The following MED1 variants were observed in gnomAD, a reference collection of about 807,000 sequenced individuals.
MED1 encodes the protein mediator of RNA polymerase II transcription subunit 1.
A neutral mutation model predicts 121.3 loss-of-function variants in MED1; 17 were observed. That is an observed-to-expected ratio of 0.14 (90% CI 0.10 to 0.21). The LOEUF (loss-of-function observed/expected upper bound fraction) is 0.21. Ranked by LOEUF, MED1 falls within the 10% of genes least tolerant of loss-of-function variation. The probability of loss-of-function intolerance (pLI) is 1.00; values close to 1 mark genes in which losing one functional copy is unlikely to be tolerated. For synonymous variants in MED1, 661 were observed against 694.4 expected (o/e 0.95, Z 0.76); for missense variants, 1,558 against 1,919.4 (o/e 0.81, Z 3.52).
At chr17:39,439,008 T>C (rs1323237206) in intron 6 of MED1, among the ~76,000 whole-genome samples, 157 bp downstream of exon 6, 1 of 152,168 alleles carries the variant, frequency 6.6e-6, no homozygotes, top group African/African-American at 2.4e-5. Context: ...CTATGCTATG[T>C]CAATTCAGGA....
Position 39,407,667 on chromosome 17 carries a change from T to A in MED1, c.4554A>T (p.Lys1518Asn). The A allele has an allele frequency of 6.2e-7, 1 of 1,614,216 alleles. No individual in the cohort carries two copies. Among genetic ancestry groups the A allele is most frequent in the East Asian group, 2.2e-5 (1 of 44,886 alleles). ...KDKDRDRDRD[K>N]DRDKKKSHSI... ...TATGAGATTTTTTCTTGTCTCGGTC[T>A]TTGTCCCGGTCTCGGTCCCTATCTT... Residue 1518 changes from lysine (K) to asparagine (N), a missense_variant, in exon 17 of 17, where the codon AAA (lysine) becomes AAT (asparagine). Transcript: ENST00000300651.
intron 10 of MED1, among the ~76,000 whole-genome samples, chr17:39,426,379 G>A (rs2048515350): frequency 6.6e-6 from 1 of 151,970 alleles, no homozygotes; most frequent in Non-Finnish European, 1.5e-5. Context: ...CCCAGGAGGT[G>A]TAGGTTGCAG....
At chr17:39,424,043 C>T (rs545492661) in intron 11 of MED1, among the ~76,000 whole-genome samples, 498 of 152,092 alleles carry the variant, frequency 3.3e-3, no homozygotes, top group African/African-American at 0.011. Flanking sequence ...CCACCACGCC[C>T]GGCTAATTTT....
Position 39,415,067 on chromosome 17 carries a change from T to G in MED1, c.1458A>C (p.Ala486=). Reference sequence around the variant, plus strand: ...CAATGAAGTCATCTGTGCAGATCAGTGCATCCGACAGCCCTTTGTAGAGTT... The same window carrying G: ...CAATGAAGTCATCTGTGCAGATCAGGGCATCCGACAGCCCTTTGTAGAGTT... The part of the protein sequence containing the change: ...SCKLYKGLSD[A]LICTDDFIAK... The change falls in exon 16 of 17, where the codon GCA becomes GCC. Residue 486 remains alanine, a synonymous_variant. Transcript: ENST00000300651. The G allele has an allele frequency of 6.2e-7, 1 of 1,614,196 alleles. No individual in the cohort carries two copies. The highest frequency in any genetic ancestry group is 8.5e-7 in the Non-Finnish European group (1 of 1,180,022).
intron 13 of MED1, among the ~76,000 whole-genome samples, chr17:39,421,759 G>C (rs1191575974): frequency 1.3e-5 from 2 of 151,898 alleles, no homozygotes; most frequent in Non-Finnish European, 2.9e-5. Flanking sequence ...CTAAGCTCAT[G>C]GCACTTGAAA....
chr17:39,428,486 A>AAAT (rs537310440), intron 9 of MED1, among the ~76,000 whole-genome samples: 2,083 of 151,924 alleles, frequency 0.014, 25 homozygotes, highest in Middle Eastern at 0.034. Flanking sequence ...TCCGTCTCAA[A>AAAT]AATAATAATA....
intron 2 of MED1, among the ~76,000 whole-genome samples, chr17:39,444,705 C>T (rs1486755485): frequency 6.6e-6 from 1 of 151,630 alleles, no homozygotes. Context: ...CCCATCTCTA[C>T]TAAAAATACA....
chr17:39,415,981 C>T (rs2048405961), intron 14 of MED1, among the ~76,000 whole-genome samples: 1 of 149,224 alleles, frequency 6.7e-6, no homozygotes, highest in African/African-American at 2.5e-5. Context: ...CAGAGCAACA[C>T]TCTGTCTCAA....
intron 2 of MED1, 28 bp from the exon 3 acceptor site, chr17:39,443,656 T>C (rs200970982): frequency 1.3e-6 from 2 of 1,582,910 alleles, no homozygotes; most frequent in African/African-American, 1.3e-5. Flanking sequence ...ACATTTGAGG[T>C]GAAAATTAAC....
chr17:39,444,803 A>G (rs529324819), intron 2 of MED1, among the ~76,000 whole-genome samples: 1 of 152,220 alleles, frequency 6.6e-6, no homozygotes, highest in Non-Finnish European at 1.5e-5. Flanking sequence ...GGGGATGCAG[A>G]GGTTGCAGTG....
intron 5 of MED1, among the ~76,000 whole-genome samples, chr17:39,439,735 G>A (rs1369412266): frequency 1.3e-5 from 2 of 151,854 alleles, no homozygotes; most frequent in Non-Finnish European, 2.9e-5. Context: ...GTCAGGAGCT[G>A]GAGACCAGCC....
intron 13 of MED1, among the ~76,000 whole-genome samples, chr17:39,420,197 CTT>C (rs751616356): frequency 1.4e-4 from 18 of 132,664 alleles, no homozygotes; most frequent in Admixed American, 1.5e-4. Context: ...TGCAAAATCT[CTT>C]TTTTTTTTTT....
intron 6 of MED1, among the ~76,000 whole-genome samples, chr17:39,438,960 G>T (rs182236453): frequency 1.3e-5 from 2 of 152,032 alleles, no homozygotes; most frequent in Non-Finnish European, 1.5e-5. Flanking sequence ...AAACAAAAAC[G>T]AAAACAAAAA....
chr17:39,440,121 AAAGAAAGG>A lies in MED1; in HGVS notation c.399+257_399+264del, dbSNP rs1001594478. 6.7e-5 allele frequency among the ~76,000 whole-genome samples: 10 copies of A among 150,220 alleles called. No individual in the cohort carries two copies. Among genetic ancestry groups the A allele is most frequent in the African/African-American group, 2.5e-4 (10 of 40,248 alleles). On this transcript the variant is annotated intron_variant, in intron 5 of 16. Transcript: ENST00000300651. The surrounding 1 kb of genome is among the most constrained non-coding windows in gnomAD (Gnocchi z 4.1). ...GAAAGAAAGAAAAAAGAAAGAAAAGAAAGAAAGGAAGGAAGGAAGGAAGGAAAGGGAAA... is the reference window on the plus strand; with the variant it reads ...GAAAGAAAGAAAAAAGAAAGAAAAGAAAGGAAGGAAGGAAGGAAAGGGAAA...
In MED1 at chr17:39,408,951, A is replaced by T; in HGVS notation, c.3270T>A (p.Ser1090=). 1.9e-6 allele frequency: 3 copies of T among 1,614,202 alleles called. No homozygotes were observed. The highest frequency in any genetic ancestry group is 2.5e-6 in the Non-Finnish European group (3 of 1,180,036). The change falls in exon 17 of 17, where the codon TCT becomes TCA. Residue 1090 remains serine, a synonymous_variant. Coordinates refer to ENST00000300651, the MANE Select transcript of MED1 (RefSeq NM_004774.4). The surrounding 1 kb of genome is among the most constrained non-coding windows in gnomAD (Gnocchi z 4.7). ...HSQYTSSGSV[S]SSGSKSHHSH... is the part of the protein sequence containing the mutation. ...TATGGTGGCTTTTGCTGCCTGAGGA[A>T]GACACAGAACCACTGCTGGTATACT...
Position 39,409,472 on chromosome 17 carries a change from C to T in MED1, c.2749G>A (p.Glu917Lys). The T allele has an allele frequency of 6.2e-7, 1 of 1,614,106 alleles. No homozygotes were observed. The highest frequency in any genetic ancestry group is 8.5e-7 in the Non-Finnish European group (1 of 1,180,014). Residue 917 changes from glutamate to lysine, a missense_variant, in exon 17 of 17, where the codon GAG (glutamate) becomes AAG (lysine). Transcript: ENST00000300651. ...TGGTTATTGCCCTTAAACTTGGTCT[C>T]CCCATTATCACCTCCAAGCATTGGC... ...GVPMLGGDNGETKFKGNNQAD... is the reference protein window; with the variant it reads ...GVPMLGGDNGKTKFKGNNQAD...
rs2048504131 is a variant in MED1, at chr17:39,425,210, T to C, written c.740-472A>G. On this transcript the variant is annotated intron_variant, in intron 10 of 16. Coordinates refer to ENST00000300651, the MANE Select transcript of MED1 (RefSeq NM_004774.4). ...CCAGCCTATTTATTTATTTTTTTAT[T>C]GGAGGCAGAGTCTCACTCTGTCCAG... 2.6e-5 allele frequency among the ~76,000 whole-genome samples: 4 copies of C among 152,026 alleles called. No homozygotes were observed. The South Asian group carries it at 8.3e-4, about 32-fold the overall frequency.
chr17:39,431,281 C>A, intron 8 of MED1, 93 bp from the exon 9 acceptor site: 1 of 687,918 alleles, frequency 1.5e-6, no homozygotes, highest in Non-Finnish European at 2.3e-6. Context: ...GAAGTCTTGT[C>A]TTTTTTTTTT....
intron 13 of MED1, among the ~76,000 whole-genome samples, chr17:39,421,805 G>T (rs1370447315): frequency 6.6e-6 from 1 of 151,194 alleles, no homozygotes. Context: ...ACCTAATTAT[G>T]ATATTCTAAA....
Sources: allele counts gnomAD v4.1 joint callset (sites outside exome capture counted in the v4.1 genomes callset), GRCh38; gene constraint gnomAD v4.1.1; non-coding constraint Gnocchi (gnomAD v3.1); transcripts MANE v1.5; gene names NCBI Gene and HGNC (gene_info 2026-07-23, HGNC 2026-07-21).